Variants in TMEM18 observed in about 807,000 individuals in gnomAD.
TMEM18 encodes the protein transmembrane protein 18.
Under a neutral mutation model 17.4 loss-of-function variants are expected in TMEM18, and 14 were observed. The observed-to-expected ratio is 0.80, with a 90% CI of 0.53 to 1.25. TMEM18 has a LOEUF of 1.25. Ranked by LOEUF, TMEM18 falls within the 50% of genes most tolerant of loss-of-function variation. TMEM18 has a pLI of 0.00. For synonymous variants in TMEM18, 86 were observed against 66.1 expected, an observed-to-expected ratio of 1.30 and a Z score of -1.46; for missense variants, 187 against 172.1, an observed-to-expected ratio of 1.09 and a Z score of -0.48.
chr2:667,510 G>C lies in TMEM18; in HGVS notation c.*2070C>G, dbSNP rs1220060916. The stretch of plus-strand genomic sequence containing the variant: ...CTCCAGTGAGTCATCCACATTTATG[G>C]AGCCTGAAACCAGTGTGCTCTGTGC... On this transcript the variant is annotated 3_prime_UTR_variant, in exon 5 of 5. Transcript: ENST00000281017. 1.3e-5 allele frequency: 2 copies of C among 152,212 alleles called. No individual in the cohort carries two copies. Among genetic ancestry groups the C allele is most frequent in the East Asian group, 3.9e-4 (2 of 5,180 alleles). 9.4% of individuals were successfully genotyped at this position (152,212 alleles called of 1,614,324 possible).
Position 669,545 on chromosome 2 carries a change from CG to C in TMEM18, c.*34del. Reference sequence around the variant, plus strand: ...AGCACTGGGAGCTGCACTGGGTGGACGGGAAGGACGCAAACTCCAAGCAGCT... The same window carrying C: ...AGCACTGGGAGCTGCACTGGGTGGACGGAAGGACGCAAACTCCAAGCAGCT... On this transcript the variant is annotated 3_prime_UTR_variant, in exon 5 of 5. Transcript: ENST00000281017. 1 of 1,607,602 alleles carries C rather than the reference CG, an allele frequency of 6.2e-7. No homozygotes were observed. The highest frequency in any genetic ancestry group is 8.5e-7 in the Non-Finnish European group (1 of 1,174,448).
chr2:670,635 C>A (rs1678817210), intron 3 of TMEM18: 1 of 152,468 alleles, frequency 6.6e-6, no homozygotes, highest in Non-Finnish European at 1.5e-5. Context: ...ACACTCTATA[C>A]CATGGGAGGC....
chr2:669,903 T>G (rs1161793806), intron 3 of TMEM18, 53 bp from the exon 4 acceptor site: 2 of 1,376,688 alleles, frequency 1.5e-6, no homozygotes, highest in Admixed American at 4.0e-5. Context: ...CAAAAAGTTC[T>G]AGTGACACCG....
At chr2:677,167 C>A in intron 1 of TMEM18, 122 bp downstream of exon 1, 1 of 1,316,984 alleles carries the variant, frequency 7.6e-7, no homozygotes. Flanking sequence ...GCGCGCGCTC[C>A]GCCACAAGGC....
At chr2:674,602 C>CTCTG (rs1678946532) in intron 2 of TMEM18, among the ~76,000 whole-genome samples, 1 of 152,240 alleles carries the variant, frequency 6.6e-6, no homozygotes. Flanking sequence ...ACAGAGCTTG[C>CTCTG]TCTGAGCGCC....
chr2:675,434 G>C, intron 2 of TMEM18, 76 bp downstream of exon 2: 3 of 1,596,260 alleles, frequency 1.9e-6, no homozygotes, highest in South Asian at 1.1e-5. Flanking sequence ...TATATATTTC[G>C]AAGACACAGA....
In TMEM18 at chr2:665,502, A is replaced by G. The variant is rs1678661697; in HGVS notation, c.*4078T>C. ...CACATACAACAGGACCCAGAGATGC[A>G]AACACCCCACTCACTCAGACAGAGA... On this transcript the variant is annotated 3_prime_UTR_variant, in exon 5 of 5. Coordinates refer to ENST00000281017, the MANE Select transcript of TMEM18 (RefSeq NM_152834.4). Among the ~76,000 whole-genome samples, 1 of 151,526 alleles carries G rather than the reference A, an allele frequency of 6.6e-6. No individual in the cohort carries two copies.
chr2:674,439 CTG>C (rs1007906808), intron 2 of TMEM18, among the ~76,000 whole-genome samples: 2 of 152,208 alleles, frequency 1.3e-5, no homozygotes, highest in Non-Finnish European at 2.9e-5. Flanking sequence ...TCCTGTTTCA[CTG>C]TGTTTTTGGC....
intron 3 of TMEM18, among the ~76,000 whole-genome samples, chr2:672,131 C>G (rs192996219): frequency 1.3e-5 from 2 of 152,328 alleles, no homozygotes; most frequent in Admixed American, 1.3e-4. Flanking sequence ...GCCACAGTCT[C>G]AGCTCCTTCC....
intron 2 of TMEM18, among the ~76,000 whole-genome samples, chr2:674,116 T>A (rs754279689): frequency 2.0e-5 from 3 of 152,154 alleles, no homozygotes; most frequent in Non-Finnish European, 2.9e-5. Flanking sequence ...CTTGGCTGGT[T>A]TGAGAAATGA....
At chr2:676,257 T>A in intron 1 of TMEM18, 1 of 1,437,026 alleles carries the variant, frequency 7.0e-7, no homozygotes, top group Non-Finnish European at 9.3e-7. Flanking sequence ...AGTGTCTGGC[T>A]CAGGGACCTG....
chr2:675,807 A>C, intron 1 of TMEM18, 177 bp from the exon 2 acceptor site: 4 of 1,530,158 alleles, frequency 2.6e-6, no homozygotes, highest in Non-Finnish European at 3.5e-6. Flanking sequence ...GGGGACAGGA[A>C]AGGGAGAAGG....
In TMEM18 at chr2:676,284, A is replaced by C. The variant is rs1335234956; in HGVS notation, c.58-654T>G. On this transcript the variant is annotated intron_variant, in intron 1 of 4. Coordinates refer to ENST00000281017, the MANE Select transcript of TMEM18 (RefSeq NM_152834.4). Reference sequence around the variant, plus strand: ...AGGGACCTGAAGTAGCCAGGCTCAGATCCACTGCTGCTCAGTCCCCACCTG... The same window carrying C: ...AGGGACCTGAAGTAGCCAGGCTCAGCTCCACTGCTGCTCAGTCCCCACCTG... The C allele has an allele frequency of 2.7e-6, 4 of 1,473,964 alleles. No individual in the cohort carries two copies. In the East Asian group the frequency reaches 1.1e-4, roughly 42 times the overall value. 91.3% of individuals were successfully genotyped at this position (1,473,964 alleles called of 1,614,324 possible). A position where few individuals can be genotyped will look rare whatever the true frequency, so the allele number is the denominator to read the frequency against.
At chr2:677,208 A>AAGGCCCCGCCCAC in intron 1 of TMEM18, 81 bp downstream of exon 1, 1 of 1,525,916 alleles carries the variant, frequency 6.6e-7, no homozygotes, top group Non-Finnish European at 8.8e-7. Flanking sequence ...TCTTGGCCAC[A>AAGGCCCCGCCCAC]GGCCGGGTGC....
chr2:665,977 C>G lies in TMEM18; in HGVS notation c.*3603G>C, dbSNP rs1678678505. 6.6e-6 allele frequency among the ~76,000 whole-genome samples: 1 copy of G among 152,056 alleles called. No individual in the cohort carries two copies. The highest frequency in any genetic ancestry group is 1.5e-5 in the Non-Finnish European group (1 of 68,026). On this transcript the variant is annotated 3_prime_UTR_variant, in exon 5 of 5. Coordinates refer to ENST00000281017, the MANE Select transcript of TMEM18 (RefSeq NM_152834.4). ...AACCCAGAGATGCGGATGCCCAGCTCACTCGGATGGAGTATTAACCCCATG... is the reference window on the plus strand; with the variant it reads ...AACCCAGAGATGCGGATGCCCAGCTGACTCGGATGGAGTATTAACCCCATG...
chr2:675,990 A>T, intron 1 of TMEM18: 1 of 1,306,542 alleles, frequency 7.7e-7, no homozygotes, highest in Non-Finnish European at 1.0e-6. Context: ...TACGATGATA[A>T]TTGGTTATGA....
At chr2:676,703 G>C in intron 1 of TMEM18, 1 of 1,478,710 alleles carries the variant, frequency 6.8e-7, no homozygotes. Context: ...AACCCGGCAC[G>C]GCGCACGCCC....
At chr2:670,265 C>A in intron 3 of TMEM18, 1 of 172,096 alleles carries the variant, frequency 5.8e-6, no homozygotes, top group South Asian at 1.5e-4. Context: ...ACAGCAGCTG[C>A]GTCTGCTCCA....
chr2:677,187 GGCCGGGGC>G (rs1369594777), intron 1 of TMEM18, 94 bp downstream of exon 1: 7 of 1,450,796 alleles, frequency 4.8e-6, no homozygotes, highest in Non-Finnish European at 6.6e-6. Context: ...CCCCGCCCAC[GGCCGGGGC>G]CTTCTTGGCC....
Sources: gnomAD v4.1 joint callset for allele counts (sites outside exome capture counted in the v4.1 genomes callset) on GRCh38, gnomAD v4.1.1 for gene constraint, MANE v1.5 for transcripts, NCBI Gene and HGNC (gene_info 2026-07-23, HGNC 2026-07-21) for gene names.